The following MNAT1 variants were observed in gnomAD, a reference collection of about 807,000 sequenced individuals.
The protein encoded by MNAT1 is MNAT1 component of CDK activating kinase, also known as CDK-activating kinase assembly factor MAT1.
Under a neutral mutation model 42.0 loss-of-function variants are expected in MNAT1, and 43 were observed. That is an observed-to-expected ratio of 1.02 (90% CI 0.80 to 1.32). The LOEUF is 1.32. Ranked by LOEUF, MNAT1 falls within the 40% of genes most tolerant of loss-of-function variation. The pLI is 0.00. For missense variants in MNAT1, 306 were observed against 350.4 expected (o/e 0.87, Z 1.01); for synonymous variants, 118 against 120.0 (o/e 0.98, Z 0.11).
intron 1 of MNAT1, among the ~76,000 whole-genome samples, chr14:60,793,023 C>CTTTT (rs370204362): frequency 6.9e-6 from 1 of 144,288 alleles, no homozygotes. Flanking sequence ...TCTTCTTCTT[C>CTTTT]TTTTTTTTTT....
chr14:60,840,128 A>G (rs898644504), intron 6 of MNAT1, among the ~76,000 whole-genome samples: 3 of 152,246 alleles, frequency 2.0e-5, no homozygotes, highest in African/African-American at 7.2e-5. Context: ...TAAATGTTAT[A>G]CATTTTCTTT....
chr14:60,794,808 A>C (rs2031960208), intron 1 of MNAT1, among the ~76,000 whole-genome samples: 1 of 151,636 alleles, frequency 6.6e-6, no homozygotes, highest in South Asian at 2.1e-4. Context: ...TTTCTTATTT[A>C]GCTTATTCTG....
chr14:60,781,883 T>C (rs2140314847), intron 1 of MNAT1, among the ~76,000 whole-genome samples: 1 of 152,086 alleles, frequency 6.6e-6, no homozygotes, highest in East Asian at 1.9e-4. Context: ...TTAGTAGTCA[T>C]TTATTTCCAC....
At chr14:60,910,906 C>T (rs933031881) in intron 7 of MNAT1, among the ~76,000 whole-genome samples, 6 of 152,148 alleles carry the variant, frequency 3.9e-5, no homozygotes, top group African/African-American at 1.4e-4. Context: ...ATGGTACCAG[C>T]TCCTCCTTGT....
intron 7 of MNAT1, among the ~76,000 whole-genome samples, chr14:60,951,702 G>T (rs1347226508): frequency 6.6e-6 from 1 of 151,980 alleles, no homozygotes; most frequent in Non-Finnish European, 1.5e-5. Context: ...TATGATTGTG[G>T]ATGTGTCAGT....
rs1174182021 is a variant in MNAT1, at chr14:60,969,341, T to C, written c.*992T>C. On this transcript the variant is annotated 3_prime_UTR_variant, in exon 8 of 8. Coordinates refer to ENST00000261245, the MANE Select transcript of MNAT1 (RefSeq NM_002431.4). The stretch of plus-strand genomic sequence containing the variant: ...AAATTAAGGGATTTCCTATCAAATC[T>C]CTATTACAACAGATGTTAGTTTTAT... The C allele has an allele frequency of 1.3e-5, 2 of 152,170 alleles. No individual in the cohort carries two copies. Among genetic ancestry groups the C allele is most frequent in the Non-Finnish European group, 2.9e-5 (2 of 68,018 alleles). The allele number at this position is 152,170 out of a possible 1,614,324, so 9.4% of individuals were successfully genotyped here.
intron 7 of MNAT1, among the ~76,000 whole-genome samples, chr14:60,903,865 GTT>G (rs35825181): frequency 4.3e-4 from 50 of 115,716 alleles, no homozygotes; most frequent in African/African-American, 1.6e-3. Context: ...ACCCATGTAA[GTT>G]TTTTTTTTTT....
At chr14:60,848,781 T>TC (rs2033744953) in intron 6 of MNAT1, among the ~76,000 whole-genome samples, 1 of 152,174 alleles carries the variant, frequency 6.6e-6, no homozygotes, top group Non-Finnish European at 1.5e-5. Context: ...TCTGGAGGAC[T>TC]ATATAATCTT....
At chr14:60,943,174 A>G (rs918892162) in intron 7 of MNAT1, among the ~76,000 whole-genome samples, 5 of 151,066 alleles carry the variant, frequency 3.3e-5, no homozygotes, top group African/African-American at 1.2e-4. Flanking sequence ...TTGTAAATCA[A>G]CAATTGTGGT....
chr14:60,865,992 C>T (rs1006436252), intron 6 of MNAT1, among the ~76,000 whole-genome samples: 1 of 152,058 alleles, frequency 6.6e-6, no homozygotes, highest in Admixed American at 6.6e-5. Context: ...TCATTTCTTC[C>T]ATGAACTCTG....
chr14:60,784,463 G>A (rs1001507261), intron 1 of MNAT1, among the ~76,000 whole-genome samples: 23 of 151,768 alleles, frequency 1.5e-4, no homozygotes, highest in African/African-American at 4.8e-4. Flanking sequence ...ATAGATGTGA[G>A]CCACTACACA....
chr14:60,843,398 G>C (rs1371824249), intron 6 of MNAT1, among the ~76,000 whole-genome samples: 1 of 152,036 alleles, frequency 6.6e-6, no homozygotes, highest in African/African-American at 2.4e-5. Flanking sequence ...AGCCTCCCAA[G>C]CTGCTGGGAT....
At chr14:60,919,834 C>G (rs931287569) in intron 7 of MNAT1, 4 of 158,306 alleles carry the variant, frequency 2.5e-5, no homozygotes, top group Non-Finnish European at 4.4e-5. Context: ...TCACCTTGCA[C>G]AGGATGCCCT....
At chr14:60,907,782 CAAA>C (rs71114166) in intron 7 of MNAT1, among the ~76,000 whole-genome samples, 13 of 77,552 alleles carry the variant, frequency 1.7e-4, no homozygotes, top group African/African-American at 5.5e-4. Context: ...AACTGTGTCT[CAAA>C]AAAAAAAAAA....
At chr14:60,897,478 C>A (rs2034980912) in intron 7 of MNAT1, among the ~76,000 whole-genome samples, 1 of 151,992 alleles carries the variant, frequency 6.6e-6, no homozygotes, top group Non-Finnish European at 1.5e-5. Context: ...CTATTACTTT[C>A]ATTCTATGAC....
At chr14:60,872,666 A>G (rs2034351181) in intron 6 of MNAT1, among the ~76,000 whole-genome samples, 1 of 63,646 alleles carries the variant, frequency 1.6e-5, no homozygotes, top group Non-Finnish European at 4.6e-5. Flanking sequence ...CTGTAAATAC[A>G]TAGCCATTTT....
intron 7 of MNAT1, among the ~76,000 whole-genome samples, chr14:60,955,367 AATTATAGATTCAGGCCAGG>A (rs1417202658): frequency 6.6e-5 from 10 of 152,254 alleles, no homozygotes; most frequent in Non-Finnish European, 1.0e-4. Context: ...TTAAAAAAAA[AATTATAGATTCAGGCCAGG>A]TGTGGTGGCT....
intron 1 of MNAT1, among the ~76,000 whole-genome samples, chr14:60,781,399 GA>G (rs554499990): frequency 6.6e-6 from 1 of 152,080 alleles, no homozygotes; most frequent in African/African-American, 2.4e-5. Context: ...TATGTATGAT[GA>G]AAAAATTGTT....
intron 7 of MNAT1, among the ~76,000 whole-genome samples, chr14:60,938,431 C>A (rs1479381371): frequency 2.6e-5 from 4 of 152,100 alleles, no homozygotes; most frequent in African/African-American, 9.7e-5. Context: ...GAGTTTTTAG[C>A]ATGAAGTGTT....
Sources: allele counts gnomAD v4.1 joint callset (sites outside exome capture counted in the v4.1 genomes callset), GRCh38; gene constraint gnomAD v4.1.1; transcripts MANE v1.5; gene names NCBI Gene and HGNC (gene_info 2026-07-23, HGNC 2026-07-21).